The following SCHIP1 variants were observed in gnomAD, a reference collection of about 807,000 sequenced individuals.
SCHIP1 encodes the protein schwannomin-interacting protein 1.
Under a neutral mutation model 29.7 loss-of-function variants are expected in SCHIP1, and 8 were observed. The ratio of observed to expected loss-of-function variants is 0.27; its 90% CI spans 0.16 to 0.49. SCHIP1 has a LOEUF of 0.49. SCHIP1 is among the 20% of genes least tolerant of loss of function. The pLI is 0.99. For missense variants in SCHIP1, 193 were observed against 294.6 expected, an observed-to-expected ratio of 0.66 and a Z score of 2.52; for synonymous variants, 76 against 94.9, an observed-to-expected ratio of 0.80 and a Z score of 1.16.
At chr3:159,860,266 A>G (rs1713896467) in intron 1 of SCHIP1, among the ~76,000 whole-genome samples, 1 of 152,206 alleles carries the variant, frequency 6.6e-6, no homozygotes, top group Non-Finnish European at 1.5e-5. Flanking sequence ...TGGGGCCTAT[A>G]GGTAACACCA....
chr3:159,431,264 G>A, the SCHIP1 span, among the ~76,000 whole-genome samples: 2 of 152,024 alleles, frequency 1.3e-5, no homozygotes, highest in Non-Finnish European at 2.9e-5. Flanking sequence ...AGAGGCCATC[G>A]GAAGTGTCCT....
intron 1 of SCHIP1, chr3:159,853,445 G>A (rs760928381): frequency 1.4e-6 from 1 of 696,968 alleles, no homozygotes; most frequent in Middle Eastern, 2.3e-4. Flanking sequence ...ATATGGAGGG[G>A]AATTATAAAA....
chr3:159,744,567 A>G, the SCHIP1 span, among the ~76,000 whole-genome samples: 1 of 152,228 alleles, frequency 6.6e-6, no homozygotes, highest in African/African-American at 2.4e-5. Context: ...CTGATTTAGC[A>G]CATTTTCCTG....
the SCHIP1 span, among the ~76,000 whole-genome samples, chr3:159,358,925 T>C: frequency 2.9e-5 from 4 of 137,510 alleles, no homozygotes; most frequent in African/African-American, 8.4e-5. Flanking sequence ...GCATCCTTTT[T>C]TTTTTTTTTT....
At chr3:159,435,910 T>A in the SCHIP1 span, among the ~76,000 whole-genome samples, 6 of 152,172 alleles carry the variant, frequency 3.9e-5, no homozygotes, top group East Asian at 9.7e-4. Flanking sequence ...AGAGCCCAAG[T>A]TTATTGAATC....
the SCHIP1 span, among the ~76,000 whole-genome samples, chr3:159,416,193 C>T: frequency 2.6e-5 from 4 of 152,190 alleles, no homozygotes; most frequent in Non-Finnish European, 4.4e-5. Flanking sequence ...GCCCTCTTTT[C>T]CAAAATCTTC....
At chr3:159,869,583 CA>C (rs1425858618) in intron 2 of SCHIP1, among the ~76,000 whole-genome samples, 2 of 151,908 alleles carry the variant, frequency 1.3e-5, no homozygotes, top group African/African-American at 2.4e-5. Flanking sequence ...ATCTCAGCAG[CA>C]AAACTATAGT....
At chr3:159,454,364 C>T in the SCHIP1 span, among the ~76,000 whole-genome samples, 1 of 152,152 alleles carries the variant, frequency 6.6e-6, no homozygotes, top group Non-Finnish European at 1.5e-5. Flanking sequence ...CAACCCACCT[C>T]TCACCTGCAT....
chr3:159,369,173 GT>G, the SCHIP1 span, among the ~76,000 whole-genome samples: 2 of 152,088 alleles, frequency 1.3e-5, no homozygotes, highest in Non-Finnish European at 2.9e-5. Context: ...ACAATTTTCA[GT>G]TTTTTAGTCC....
the SCHIP1 span, among the ~76,000 whole-genome samples, chr3:159,565,926 G>A: frequency 6.6e-6 from 1 of 152,066 alleles, no homozygotes; most frequent in Non-Finnish European, 1.5e-5. Flanking sequence ...TTCACAGTAG[G>A]ATAATCACTT....
the SCHIP1 span, among the ~76,000 whole-genome samples, chr3:159,553,995 TG>T: frequency 2.4e-5 from 3 of 124,886 alleles, no homozygotes; most frequent in South Asian, 7.5e-4. Flanking sequence ...TGTGTGTGTG[TG>T]TGTGTGTGTG....
At chr3:159,435,098 A>G in the SCHIP1 span, among the ~76,000 whole-genome samples, 1 of 152,182 alleles carries the variant, frequency 6.6e-6, no homozygotes, top group Non-Finnish European at 1.5e-5. Flanking sequence ...GAACAGAAAT[A>G]TTAGGAGTCA....
chr3:159,579,593 G>T, the SCHIP1 span, among the ~76,000 whole-genome samples: 1 of 152,316 alleles, frequency 6.6e-6, no homozygotes, highest in Non-Finnish European at 1.5e-5. Context: ...TATCACCTGG[G>T]TGGTGGTGAT....
At chr3:159,757,606 T>A in the SCHIP1 span, among the ~76,000 whole-genome samples, 1 of 152,218 alleles carries the variant, frequency 6.6e-6, no homozygotes, top group South Asian at 2.1e-4. Context: ...CTCACCCGCC[T>A]GGCCCCTGGA....
chr3:159,613,461 T>C, the SCHIP1 span, among the ~76,000 whole-genome samples: 2 of 152,230 alleles, frequency 1.3e-5, no homozygotes, highest in African/African-American at 4.8e-5. Flanking sequence ...AAAATTTGTT[T>C]TCTCTAATTT....
chr3:159,778,202 C>G, the SCHIP1 span, among the ~76,000 whole-genome samples: 1 of 145,138 alleles, frequency 6.9e-6, no homozygotes, highest in Non-Finnish European at 1.5e-5. Flanking sequence ...ACCATGTTAG[C>G]CAGGATGGTC....
intron 1 of SCHIP1, among the ~76,000 whole-genome samples, chr3:159,850,615 C>T (rs1380648281): frequency 6.6e-6 from 1 of 150,902 alleles, no homozygotes; most frequent in Non-Finnish European, 1.5e-5. Flanking sequence ...GTTTAATTGG[C>T]TCATGGTTCT....
At chr3:159,548,870 A>C in the SCHIP1 span, among the ~76,000 whole-genome samples, 1 of 152,210 alleles carries the variant, frequency 6.6e-6, no homozygotes, top group South Asian at 2.1e-4. Context: ...CATCTGAGTT[A>C]TCTCAGGTTT....
At chr3:159,480,055 G>A in the SCHIP1 span, among the ~76,000 whole-genome samples, 33 of 152,264 alleles carry the variant, frequency 2.2e-4, no homozygotes, top group African/African-American at 7.7e-4. Flanking sequence ...AAGCCCACCA[G>A]CCTTCTAACA....
Sources: allele counts gnomAD v4.1 joint callset (sites outside exome capture counted in the v4.1 genomes callset), GRCh38; gene constraint gnomAD v4.1.1; transcripts MANE v1.5; gene names NCBI Gene and HGNC (gene_info 2026-07-23, HGNC 2026-07-21).